The following SPTB variants were observed in gnomAD, a reference collection of about 807,000 sequenced individuals.
SPTB encodes the protein spectrin beta, erythrocytic, also known as spectrin beta chain, erythrocytic.
Under a neutral mutation model 256.2 loss-of-function variants are expected in SPTB, and 45 were observed. The observed-to-expected ratio is 0.18, with a 90% CI of 0.14 to 0.23. The LOEUF is 0.23. Ranked by LOEUF, SPTB falls within the 10% of genes least tolerant of loss-of-function variation. The pLI, the probability that SPTB is intolerant of heterozygous loss-of-function variation, is 1.00. For synonymous variants in SPTB, 1,231 were observed against 1,243.1 expected, an observed-to-expected ratio of 0.99 and a Z score of 0.21; for missense variants, 2,715 against 3,040.4, an observed-to-expected ratio of 0.89 and a Z score of 2.52.
chr14:64,789,800 G>C (rs1453265132), intron 15 of SPTB, among the ~76,000 whole-genome samples: 2 of 152,186 alleles, frequency 1.3e-5, no homozygotes, highest in South Asian at 4.1e-4. Flanking sequence ...AGGAGGAAAA[G>C]ATTGCTTTTC....
intron 24 of SPTB, among the ~76,000 whole-genome samples, chr14:64,774,161 C>T (rs1274110013): frequency 6.6e-6 from 1 of 152,198 alleles, no homozygotes; most frequent in Non-Finnish European, 1.5e-5. Flanking sequence ...TTTTGCTAAC[C>T]CCTTCTCTGA....
chr14:64,770,140 A>C (rs1481652432), intron 27 of SPTB, among the ~76,000 whole-genome samples: 1 of 152,240 alleles, frequency 6.6e-6, no homozygotes, highest in Non-Finnish European at 1.5e-5. Context: ...GAGAGACAGA[A>C]AGTTGAGTAG....
chr14:64,751,579 T>C (rs1017855771), intron 33 of SPTB, among the ~76,000 whole-genome samples: 1 of 152,144 alleles, frequency 6.6e-6, no homozygotes, highest in South Asian at 2.1e-4. Flanking sequence ...ATAATTCTGA[T>C]CTTACCTTGA....
Position 64,795,620 on chromosome 14 carries a change from A to G in SPTB, c.1361T>C (p.Leu454Pro). 1 of 1,614,036 alleles carries G rather than the reference A, an allele frequency of 6.2e-7. No individual in the cohort carries two copies. The highest frequency in any genetic ancestry group is 1.1e-5 in the South Asian group (1 of 91,076). ...CTTCTTGGCGGCCTCCACAGCTGCCAGGTCATACCCAAAGTTATCCTGCCC... is the reference window on the plus strand; with the variant it reads ...CTTCTTGGCGGCCTCCACAGCTGCCGGGTCATACCCAAAGTTATCCTGCCC... ...LVAQDNFGYD[L>P]AAVEAAKKKH... The change falls in exon 12 of 36, where the codon CTG becomes CCG. Residue 454 changes from leucine (L) to proline (P), a missense_variant. Physicochemically the swap from Leu to Pro is moderately conservative, Grantham distance 98. This residue lies in a region of SPTB where 416 missense variants were observed against 571.1 expected (regional missense o/e 0.73). Transcript: ENST00000644917. The surrounding 1 kb of genome is among the most constrained non-coding windows in gnomAD (Gnocchi z 6.5).
chr14:64,773,274 T>C lies in SPTB; in HGVS notation c.5124A>G (p.Glu1708=), dbSNP rs200940814. 2.5e-6 allele frequency: 4 copies of C among 1,614,112 alleles called. No homozygotes were observed. The highest frequency in any genetic ancestry group is 3.4e-6 in the Non-Finnish European group (4 of 1,180,044). The change falls in exon 25 of 36, where the codon GAA becomes GAG. Residue 1708 remains glutamate, a synonymous_variant. Transcript: ENST00000644917. ...CCGGGGAAGAGGCCACTAGCTCCTT[T>C]TCTGAAATCCACTGCTCCAGGTCGT... The part of the protein sequence containing the change: ...ETDDLEQWIS[E]KELVASSPEM...
Position 64,790,864 on chromosome 14 carries a change from C to A in SPTB, c.2804+855G>T, listed in dbSNP as rs2082657710. ...GCAATTTCACCCCACACTGAAAGCACCCCCTCTCTAAAGGCTCCTTGGGGC... is the reference window on the plus strand; with the variant it reads ...GCAATTTCACCCCACACTGAAAGCAACCCCTCTCTAAAGGCTCCTTGGGGC... On this transcript the variant is annotated intron_variant, in intron 15 of 35. Transcript: ENST00000644917. This position sits in a 1 kb window ranked among gnomAD's most constrained non-coding sequence, Gnocchi z 4.8. 6.6e-6 allele frequency among the ~76,000 whole-genome samples: 1 copy of A among 152,166 alleles called. No homozygotes were observed. The highest frequency in any genetic ancestry group is 1.5e-5 in the Non-Finnish European group (1 of 68,022).
In SPTB at chr14:64,749,912, GCCTCTGC is replaced by G; in HGVS notation, c.6776+62_6776+68del. On this transcript the variant is annotated intron_variant, in intron 34 of 35. Coordinates refer to ENST00000644917, the MANE Select transcript of SPTB (RefSeq NM_001355436.2). This position sits in a 1 kb window ranked among gnomAD's most constrained non-coding sequence, Gnocchi z 4.7. ...GCCTGGCACTGGTCCCCTACAGAGG[GCCTCTGC>G]CCTGCCACTAATGCCAAATCAAGCC... is the stretch of plus-strand genomic sequence containing the variant. The G allele has an allele frequency of 3.8e-6, 6 of 1,598,778 alleles. No individual in the cohort carries two copies. The South Asian group carries it at 6.6e-5, about 18-fold the overall frequency.
chr14:64,773,479 G>T, intron 24 of SPTB, 55 bp from the exon 25 acceptor site: 1 of 1,591,056 alleles, frequency 6.3e-7, no homozygotes, highest in Non-Finnish European at 8.6e-7. Flanking sequence ...ACCCAGAGCC[G>T]TGGCTCCAGG....
At position 64,796,506 on chromosome 14, in the gene SPTB, G is replaced by A. The variant is rs367784751; in HGVS notation, c.1341+51C>T. The A allele has an allele frequency of 3.0e-5, 48 of 1,612,842 alleles. No homozygotes were observed. The highest frequency in any genetic ancestry group is 3.5e-4 in the Middle Eastern group (2 of 5,682). Reference sequence around the variant, plus strand: ...GACTCCAGCCCAGCCAAGAGCTGGGGGCTCTGAAGAATGTCCCCTCTCCTG... The same window carrying A: ...GACTCCAGCCCAGCCAAGAGCTGGGAGCTCTGAAGAATGTCCCCTCTCCTG... On this transcript the variant is annotated intron_variant, in intron 11 of 35. Coordinates refer to ENST00000644917, the MANE Select transcript of SPTB (RefSeq NM_001355436.2). This position sits in a 1 kb window ranked among gnomAD's most constrained non-coding sequence, Gnocchi z 4.1.
chr14:64,831,168 T>C (rs561463637), intron 1 of SPTB, among the ~76,000 whole-genome samples: 1 of 152,192 alleles, frequency 6.6e-6, no homozygotes, highest in South Asian at 2.1e-4. Flanking sequence ...CCAACCTCAC[T>C]GCCACTTCCT....
chr14:64,802,053 G>T lies in SPTB; in HGVS notation c.566+173C>A, dbSNP rs750997930. On this transcript the variant is annotated intron_variant, in intron 5 of 35. Coordinates refer to ENST00000644917, the MANE Select transcript of SPTB (RefSeq NM_001355436.2). This position sits in a 1 kb window ranked among gnomAD's most constrained non-coding sequence, Gnocchi z 5.1. ...TCTGCCTGCAGGCAACTTTGGAAAA[G>T]AATCCTGTATTCCAGGCCTCAAAGA... Among the ~76,000 whole-genome samples, 49 of 152,226 alleles carry T rather than the reference G, an allele frequency of 3.2e-4. No homozygotes were observed. Among genetic ancestry groups the T allele is most frequent in the Admixed American group, 1.6e-3 (24 of 15,284 alleles).
intron 1 of SPTB, among the ~76,000 whole-genome samples, chr14:64,875,718 T>C (rs565308154): frequency 1.4e-4 from 22 of 152,100 alleles, no homozygotes; most frequent in South Asian, 4.2e-4. Context: ...GCTTCAAAGA[T>C]AAAATTCTTC....
chr14:64,869,587 G>GGT (rs999629359), intron 1 of SPTB, among the ~76,000 whole-genome samples: 3 of 151,224 alleles, frequency 2.0e-5, no homozygotes, highest in South Asian at 2.1e-4. Context: ...TGGGACTACA[G>GGT]GTGTGAGCCA....
In SPTB at chr14:64,795,204, C is replaced by T. The variant is rs988893398; in HGVS notation, c.1644+133G>A. ...GCAGGTGCAGCTAGACACTTTGCTG[C>T]CTCAGTTTCTCTATTTTGACTCAGA... On this transcript the variant is annotated intron_variant, in intron 12 of 35. Coordinates refer to ENST00000644917, the MANE Select transcript of SPTB (RefSeq NM_001355436.2). This position sits in a 1 kb window ranked among gnomAD's most constrained non-coding sequence, Gnocchi z 6.5. 4.6e-6 allele frequency: 5 copies of T among 1,077,604 alleles called. No homozygotes were observed. The highest frequency in any genetic ancestry group is 6.6e-6 in the Non-Finnish European group (5 of 755,164). 66.8% of individuals were successfully genotyped at this position (1,077,604 alleles called of 1,614,324 possible).
intron 28 of SPTB, 104 bp from the exon 29 acceptor site, chr14:64,769,222 C>A (rs2082240554): frequency 8.6e-7 from 1 of 1,160,612 alleles, no homozygotes; most frequent in East Asian, 2.3e-5. Flanking sequence ...GGTCCTACAG[C>A]CCTGGCTTCA....
rs985504679 is a variant in SPTB at position 64,797,786 on chromosome 14, G to T, written c.1125C>A (p.Ala375=). The change falls in exon 10 of 36, where the codon GCC becomes GCA. Residue 375 remains alanine, a synonymous_variant. Coordinates refer to ENST00000644917, the MANE Select transcript of SPTB (RefSeq NM_001355436.2). ...GGGGTGTGTACACTTTCTGATTGTTGGCTCTCATCCGGGACTGGATGGTAA... is the reference window on the plus strand; with the variant it reads ...GGGGTGTGTACACTTTCTGATTGTTTGCTCTCATCCGGGACTGGATGGTAA... ...LLFTIQSRMR[A]NNQKVYTPHD... is the part of the protein sequence containing the mutation. 10 of 1,613,994 alleles carry T rather than the reference G, an allele frequency of 6.2e-6. No homozygotes were observed. Among genetic ancestry groups the T allele is most frequent in the Non-Finnish European group, 8.5e-6 (10 of 1,180,016 alleles).
rs1167665605 is a variant in SPTB at position 64,805,171 on chromosome 14, A to T, written c.149-81T>A. The T allele has an allele frequency of 2.6e-6, 4 of 1,515,024 alleles. No individual in the cohort carries two copies. The South Asian group carries it at 4.5e-5, about 17-fold the overall frequency. The allele number at this position is 1,515,024 out of a possible 1,614,324, so 93.8% of individuals were successfully genotyped here. On this transcript the variant is annotated intron_variant, in intron 2 of 35. Transcript: ENST00000644917. ...CATGGGGCCAAGGGGTTTTACCTTA[A>T]GCCCAGGGTACCCCCATGCTTGGCA... is the stretch of plus-strand genomic sequence containing the variant.
intron 1 of SPTB, among the ~76,000 whole-genome samples, chr14:64,860,185 T>C (rs1268226403): frequency 2.0e-5 from 3 of 152,180 alleles, no homozygotes; most frequent in African/African-American, 7.2e-5. Context: ...CCCAGTGACA[T>C]GAACCAAGCA....
chr14:64,799,620 T>C, intron 9 of SPTB, 127 bp downstream of exon 9: 3 of 1,128,106 alleles, frequency 2.7e-6, no homozygotes, highest in Non-Finnish European at 3.9e-6. Context: ...GTGACACACA[T>C]ACAGCTCTCT....
Sources: gnomAD v4.1 joint callset for allele counts (sites outside exome capture counted in the v4.1 genomes callset) on GRCh38, gnomAD v4.1.1 for gene constraint, gnomAD v4.1.1 regional missense constraint, Gnocchi (gnomAD v3.1) non-coding constraint, MANE v1.5 for transcripts, NCBI Gene and HGNC (gene_info 2026-07-23, HGNC 2026-07-21) for gene names.